The following WRN variants were observed in gnomAD, a reference collection of about 807,000 sequenced individuals.
WRN encodes bifunctional 3'-5' exonuclease/ATP-dependent helicase WRN.
WRN carries 149 observed loss-of-function variants against 180.7 expected under a neutral mutation model. The observed-to-expected ratio is 0.82, with a 90% CI of 0.72 to 0.94. The LOEUF (loss-of-function observed/expected upper bound fraction) is 0.94, where lower values mean the gene tolerates loss of function less well. Ranked by LOEUF, WRN falls within the 40% of genes least tolerant of loss-of-function variation. WRN has a pLI of 0.00. For synonymous variants in WRN, 548 were observed against 568.9 expected (o/e 0.96, Z 0.52); for missense variants, 1,661 against 1,700.1 (o/e 0.98, Z 0.40).
Position 31,115,766 on chromosome 8 carries a change from C to T in WRN, c.2274-588C>T, listed in dbSNP as rs185422852. Among the ~76,000 whole-genome samples, 290 of 152,236 alleles carry T rather than the reference C, an allele frequency of 1.9e-3. 2 individuals carry two copies. Among genetic ancestry groups the T allele is most frequent in the African/African-American group, 6.6e-3 (273 of 41,544 alleles). Reference sequence around the variant, plus strand: ...TTTATACTTCTATGGAAATCGTTTACGCTTTTAATAAAGAAGCACAAGTTT... The same window carrying T: ...TTTATACTTCTATGGAAATCGTTTATGCTTTTAATAAAGAAGCACAAGTTT... On this transcript the variant is annotated intron_variant, in intron 19 of 34. Coordinates refer to ENST00000298139, the MANE Select transcript of WRN (RefSeq NM_000553.6).
At chr8:31,113,451 T>C (rs935174481) in intron 19 of WRN, among the ~76,000 whole-genome samples, 1 of 152,158 alleles carries the variant, frequency 6.6e-6, no homozygotes, top group African/African-American at 2.4e-5. Context: ...GCCATTCTAG[T>C]GCTCTCTGAA....
Position 31,090,729 on chromosome 8 carries a change from C to A in WRN, c.1721-105C>A. 6.4e-6 allele frequency: 7 copies of A among 1,086,124 alleles called. No individual in the cohort carries two copies. The South Asian group carries it at 1.0e-4, about 16-fold the overall frequency. 67.3% of individuals were successfully genotyped at this position (1,086,124 alleles called of 1,614,324 possible). The stretch of plus-strand genomic sequence containing the variant: ...TAGGAAGATAGCATACTAGTATTGA[C>A]CATTCATCTGTATAAGTACATTGTA... On this transcript the variant is annotated intron_variant, in intron 14 of 34. Coordinates refer to ENST00000298139, the MANE Select transcript of WRN (RefSeq NM_000553.6).
rs1585408279 is a variant in WRN at position 31,064,374 on chromosome 8, C to G, written c.295C>G (p.Leu99Val). 6.2e-7 allele frequency: 1 copy of G among 1,614,134 alleles called. No homozygotes were observed. ...TAGAGGGAAACTTGGCAAAGTTGCA[C>G]TAATTCAGTTGTGTGTTTCTGAGAG... is the stretch of plus-strand genomic sequence containing the variant. ...YNRGKLGKVA[L>V]IQLCVSESKC... The change falls in exon 4 of 35, where the codon CTA becomes GTA. Residue 99 changes from leucine to valine, a missense_variant. Physicochemically the swap from Leu to Val is conservative, Grantham distance 32 (BLOSUM62 1). Coordinates refer to ENST00000298139, the MANE Select transcript of WRN (RefSeq NM_000553.6).
At chr8:31,150,288 T>A (rs1651718204) in intron 30 of WRN, 53 bp from the exon 31 acceptor site, 6 of 1,407,472 alleles carry the variant, frequency 4.3e-6, no homozygotes, top group Non-Finnish European at 6.0e-6. Flanking sequence ...AGTGATACTG[T>A]TTCAGTGGTT....
chr8:31,161,820 C>T (rs1387795028), intron 33 of WRN, among the ~76,000 whole-genome samples: 1 of 117,522 alleles, frequency 8.5e-6, no homozygotes, highest in Non-Finnish European at 1.6e-5. Flanking sequence ...GCCTGGGAGA[C>T]AGAGCGAGAC....
chr8:31,076,254 C>T lies in WRN; in HGVS notation c.806C>T (p.Pro269Leu), dbSNP rs1389146631. ...EEVMDLAKHL[P>L]HAFSKLENPR... ...GTGATGGATCTGGCTAAGCATCTTC[C>T]TCATGCTTTCAGTAAATTGGAAAAC... The change falls in exon 8 of 35, where the codon CCT becomes CTT. Residue 269 changes from proline (P) to leucine (L), a missense_variant. Pro to Leu is a moderately conservative substitution (Grantham distance 98, BLOSUM62 -3). This residue lies in a region of WRN where 500 missense variants were observed against 504.1 expected (regional missense o/e 0.99). Transcript: ENST00000298139. 2.5e-6 allele frequency: 4 copies of T among 1,613,546 alleles called. No individual in the cohort carries two copies. Among genetic ancestry groups the T allele is most frequent in the Admixed American group, 3.3e-5 (2 of 59,970 alleles).
At chr8:31,108,663 A>T (rs1232724079) in intron 18 of WRN, among the ~76,000 whole-genome samples, 1 of 152,000 alleles carries the variant, frequency 6.6e-6, no homozygotes, top group African/African-American at 2.4e-5. Flanking sequence ...TCCCCTTGTG[A>T]CCTGGGTACA....
At chr8:31,103,236 A>C (rs554835089) in intron 18 of WRN, among the ~76,000 whole-genome samples, 1 of 152,216 alleles carries the variant, frequency 6.6e-6, no homozygotes, top group African/African-American at 2.4e-5. Context: ...GTTAACTTTA[A>C]AAAATGAATA....
intron 16 of WRN, 27 bp downstream of exon 16, chr8:31,091,925 T>G: frequency 6.2e-7 from 1 of 1,609,036 alleles, no homozygotes; most frequent in South Asian, 1.1e-5. Context: ...CCTCAACTTT[T>G]ATTTTGGATT....
chr8:31,107,275 T>C (rs967168119), intron 18 of WRN, among the ~76,000 whole-genome samples: 12 of 152,188 alleles, frequency 7.9e-5, no homozygotes, highest in African/African-American at 2.4e-4. Flanking sequence ...TGGTTTAAAG[T>C]AAGCTTTTGG....
At chr8:31,128,609 C>T (rs1384308635) in intron 23 of WRN, among the ~76,000 whole-genome samples, 3 of 152,188 alleles carry the variant, frequency 2.0e-5, no homozygotes, top group Non-Finnish European at 4.4e-5. Flanking sequence ...CCTGTAATCC[C>T]AGCACTTTGG....
chr8:31,101,070 G>A (rs1814209049), intron 18 of WRN, 115 bp downstream of exon 18: 1 of 825,058 alleles, frequency 1.2e-6, no homozygotes, highest in Non-Finnish European at 2.0e-6. Flanking sequence ...AATGGATAAT[G>A]TAAAAAGAGA....
intron 20 of WRN, among the ~76,000 whole-genome samples, chr8:31,118,799 T>C (rs1801613189): frequency 6.6e-6 from 1 of 152,062 alleles, no homozygotes. Flanking sequence ...ATTTTTACTT[T>C]TAATCCTCAC....
At chr8:31,126,682 C>T (rs898519955) in intron 23 of WRN, among the ~76,000 whole-genome samples, 4 of 152,070 alleles carry the variant, frequency 2.6e-5, no homozygotes, top group African/African-American at 9.7e-5. Flanking sequence ...TGCTGTCCAG[C>T]CTGGGTGACA....
chr8:31,051,631 C>T (rs1226716018), intron 1 of WRN, among the ~76,000 whole-genome samples: 1 of 152,080 alleles, frequency 6.6e-6, no homozygotes. Context: ...CTAGTATTAC[C>T]AACCTTATGG....
intron 1 of WRN, among the ~76,000 whole-genome samples, chr8:31,051,388 T>A (rs1428094725): frequency 1.3e-5 from 2 of 152,126 alleles, no homozygotes; most frequent in South Asian, 2.1e-4. Flanking sequence ...AAAAGTTAAG[T>A]GATTAAAAAG....
intron 7 of WRN, among the ~76,000 whole-genome samples, chr8:31,069,090 A>G (rs1034362989): frequency 3.3e-5 from 5 of 152,244 alleles, no homozygotes; most frequent in African/African-American, 1.2e-4. Flanking sequence ...TATTCGAAGC[A>G]TCTGTATTGA....
chr8:31,102,654 G>A (rs1305471207), intron 18 of WRN, among the ~76,000 whole-genome samples: 5 of 152,218 alleles, frequency 3.3e-5, no homozygotes, highest in Non-Finnish European at 2.9e-5. Context: ...TGGTATACCT[G>A]TATAGGGTGC....
chr8:31,075,527 A>G (rs10441481), intron 7 of WRN, among the ~76,000 whole-genome samples: 79,351 of 151,318 alleles, frequency 0.52, 22,572 homozygotes, highest in Middle Eastern at 0.63. Context: ...CCTGGCCACC[A>G]TTGCGAAACA....
Sources: gnomAD v4.1 joint callset for allele counts (sites outside exome capture counted in the v4.1 genomes callset) on GRCh38, gnomAD v4.1.1 for gene constraint, gnomAD v4.1.1 regional missense constraint, MANE v1.5 for transcripts, NCBI Gene and HGNC (gene_info 2026-07-23, HGNC 2026-07-21) for gene names.